ST6GALNAC3: variants seen among roughly 807,000 people sequenced by gnomAD.
ST6GALNAC3 encodes the protein alpha-N-acetylgalactosaminide alpha-2,6-sialyltransferase 3.
In ST6GALNAC3, 25 loss-of-function variants were observed where a neutral mutation model predicts 32.7. That is an observed-to-expected ratio of 0.76 (90% CI 0.56 to 1.07). ST6GALNAC3 has a LOEUF of 1.07. Ranked by LOEUF, ST6GALNAC3 falls within the 50% of genes least tolerant of loss-of-function variation. The pLI is 0.00. For synonymous variants in ST6GALNAC3, 129 were observed against 133.1 expected (o/e 0.97, Z 0.21); for missense variants, 355 against 382.4 (o/e 0.93, Z 0.60).
chr1:76,397,638 T>C (rs1018312099), intron 2 of ST6GALNAC3, among the ~76,000 whole-genome samples: 6 of 152,118 alleles, frequency 3.9e-5, no homozygotes, highest in African/African-American at 1.4e-4. Flanking sequence ...CCTCCCAAAG[T>C]GCTGGGATTA....
chr1:76,594,105 G>A (rs1040580686), intron 3 of ST6GALNAC3, among the ~76,000 whole-genome samples: 1 of 152,100 alleles, frequency 6.6e-6, no homozygotes. Flanking sequence ...ATAACTTTCA[G>A]TGACTGCTGA....
At chr1:76,189,761 G>C (rs1653789153) in intron 1 of ST6GALNAC3, among the ~76,000 whole-genome samples, 1 of 152,226 alleles carries the variant, frequency 6.6e-6, no homozygotes, top group South Asian at 2.1e-4. Flanking sequence ...TATAAGCGGT[G>C]CAAGTGGAGA....
intron 3 of ST6GALNAC3, among the ~76,000 whole-genome samples, chr1:76,581,370 G>A (rs1646889574): frequency 6.6e-6 from 1 of 152,118 alleles, no homozygotes; most frequent in Non-Finnish European, 1.5e-5. Flanking sequence ...GGTGCTAAGA[G>A]CCACCCCAAT....
chr1:76,279,495 G>A (rs908748481), intron 1 of ST6GALNAC3, among the ~76,000 whole-genome samples: 1 of 152,194 alleles, frequency 6.6e-6, no homozygotes, highest in Non-Finnish European at 1.5e-5. Context: ...CTTCGCGGGT[G>A]GGGGGAATGT....
chr1:76,560,658 G>A (rs941192781), intron 3 of ST6GALNAC3, among the ~76,000 whole-genome samples: 1 of 152,242 alleles, frequency 6.6e-6, no homozygotes, highest in African/African-American at 2.4e-5. Context: ...ACTTAAAATG[G>A]CTTGTATCCA....
intron 2 of ST6GALNAC3, among the ~76,000 whole-genome samples, chr1:76,314,444 G>A (rs1390549191): frequency 6.6e-6 from 1 of 152,082 alleles, no homozygotes. Context: ...AAAAGGCCAA[G>A]CTGATTTTAA....
intron 1 of ST6GALNAC3, among the ~76,000 whole-genome samples, chr1:76,222,912 A>G (rs889952318): frequency 6.6e-6 from 1 of 152,160 alleles, no homozygotes; most frequent in Admixed American, 6.5e-5. Context: ...AGATGCTGGC[A>G]AGGTTGTGGA....
intron 3 of ST6GALNAC3, among the ~76,000 whole-genome samples, chr1:76,622,297 A>C (rs1648698525): frequency 1.3e-5 from 2 of 151,982 alleles, no homozygotes; most frequent in South Asian, 4.1e-4. Context: ...GCAGGCTAAG[A>C]CTTGCCCTTT....
chr1:76,583,025 A>G (rs971167869), intron 3 of ST6GALNAC3, among the ~76,000 whole-genome samples: 1 of 152,194 alleles, frequency 6.6e-6, no homozygotes, highest in Non-Finnish European at 1.5e-5. Context: ...CTATAGAACA[A>G]TTTATTAGTG....
chr1:76,125,526 T>C (rs1649184249), intron 1 of ST6GALNAC3, among the ~76,000 whole-genome samples: 1 of 152,196 alleles, frequency 6.6e-6, no homozygotes, highest in Non-Finnish European at 1.5e-5. Flanking sequence ...CAGATTCACA[T>C]TGAACCTTTT....
intron 2 of ST6GALNAC3, among the ~76,000 whole-genome samples, chr1:76,322,475 C>A (rs1270107712): frequency 6.6e-6 from 1 of 152,120 alleles, no homozygotes; most frequent in Non-Finnish European, 1.5e-5. Flanking sequence ...GTTTGCATTG[C>A]AGCCTGTAAT....
intron 3 of ST6GALNAC3, among the ~76,000 whole-genome samples, chr1:76,464,183 G>A (rs1238719980): frequency 6.6e-6 from 1 of 152,048 alleles, no homozygotes; most frequent in African/African-American, 2.4e-5. Context: ...TTTTCCTTTA[G>A]GTCCTTTCAG....
rs369431455 is a variant in ST6GALNAC3 at position 76,298,518 on chromosome 1, C to A, written c.19-15287C>A. Among the ~76,000 whole-genome samples the A allele has an allele frequency of 6.6e-5, 10 of 152,010 alleles. No homozygotes were observed. In the South Asian group the frequency reaches 1.2e-3, roughly 19 times the overall value. On this transcript the variant is annotated intron_variant, in intron 1 of 4. Coordinates refer to ENST00000328299, the MANE Select transcript of ST6GALNAC3 (RefSeq NM_152996.4). The stretch of plus-strand genomic sequence containing the variant: ...AGGGACAAGGCTCAGAGTAACTAAA[C>A]CCGGATGGAACACCTGCAGTTTTTC...
intron 3 of ST6GALNAC3, among the ~76,000 whole-genome samples, chr1:76,443,087 C>G (rs1202736557): frequency 2.0e-5 from 3 of 152,188 alleles, no homozygotes; most frequent in Non-Finnish European, 4.4e-5. Context: ...CTGGGAGGAG[C>G]ACCAAACTTG....
At chr1:76,268,677 T>C (rs1409242682) in intron 1 of ST6GALNAC3, among the ~76,000 whole-genome samples, 1 of 152,186 alleles carries the variant, frequency 6.6e-6, no homozygotes, top group African/African-American at 2.4e-5. Context: ...ATAAAGAAAA[T>C]ACTTGAGGAA....
chr1:76,396,641 T>A (rs1462486337), intron 2 of ST6GALNAC3, among the ~76,000 whole-genome samples: 4 of 152,146 alleles, frequency 2.6e-5, no homozygotes, highest in African/African-American at 9.7e-5. Context: ...GCCAATTAGG[T>A]CTTTGAAACT....
At chr1:76,542,488 A>G (rs1664049714) in intron 3 of ST6GALNAC3, among the ~76,000 whole-genome samples, 2 of 152,162 alleles carry the variant, frequency 1.3e-5, no homozygotes, top group Non-Finnish European at 2.9e-5. Context: ...AACTAGCCTC[A>G]GGCAGAGGCT....
chr1:76,419,099 G>A (rs900777233), intron 3 of ST6GALNAC3, among the ~76,000 whole-genome samples: 1 of 151,748 alleles, frequency 6.6e-6, no homozygotes, highest in Non-Finnish European at 1.5e-5. Flanking sequence ...AAACTCTGAT[G>A]TATTTGACAA....
intron 2 of ST6GALNAC3, among the ~76,000 whole-genome samples, chr1:76,381,168 T>TAAAAAAAAAAA (rs71852050): frequency 1.1e-5 from 1 of 90,296 alleles, no homozygotes. Context: ...TTTGGGCTGC[T>TAAAAAAAAAAA]AAAAAAAAAA....
Sources: allele counts gnomAD v4.1 joint callset (sites outside exome capture counted in the v4.1 genomes callset), GRCh38; gene constraint gnomAD v4.1.1; transcripts MANE v1.5; gene names NCBI Gene and HGNC (gene_info 2026-07-23, HGNC 2026-07-21).